PAK5: variants seen among roughly 807,000 people sequenced by gnomAD.
PAK5 encodes the protein serine/threonine-protein kinase PAK 5.
Under a neutral mutation model 65.9 loss-of-function variants are expected in PAK5, and 16 were observed. That is an observed-to-expected ratio of 0.24 (90% CI 0.16 to 0.37). The LOEUF (loss-of-function observed/expected upper bound fraction) is 0.37. Ranked by LOEUF, PAK5 falls within the 10% of genes least tolerant of loss-of-function variation. PAK5 has a pLI of 1.00. For synonymous variants in PAK5, 371 were observed against 354.9 expected, an observed-to-expected ratio of 1.05 and a Z score of -0.51; for missense variants, 785 against 903.9, an observed-to-expected ratio of 0.87 and a Z score of 1.69.
intron 3 of PAK5, among the ~76,000 whole-genome samples, chr20:9,600,014 T>A (rs1310237083): frequency 6.6e-6 from 1 of 152,208 alleles, no homozygotes; most frequent in Non-Finnish European, 1.5e-5. Context: ...CATTTTGAGT[T>A]AATTTATGTA....
intron 1 of PAK5, among the ~76,000 whole-genome samples, chr20:9,805,766 T>C (rs1786546300): frequency 6.6e-6 from 1 of 152,190 alleles, no homozygotes; most frequent in South Asian, 2.1e-4. Context: ...ATAATGGGCA[T>C]AGAATTTCTT....
chr20:9,684,287 T>C (rs569670639), intron 2 of PAK5, among the ~76,000 whole-genome samples: 2 of 152,250 alleles, frequency 1.3e-5, no homozygotes, highest in East Asian at 3.9e-4. Flanking sequence ...CCTGGAAAAC[T>C]CCCTAAGGAT....
chr20:9,686,448 T>A (rs113228581), intron 2 of PAK5, among the ~76,000 whole-genome samples: 6,155 of 152,136 alleles, frequency 0.04, 178 homozygotes, highest in Non-Finnish European at 0.061. Context: ...CAGGCAGGAG[T>A]GCAGTAGCAT....
At chr20:9,735,492 A>C (rs2048378268) in intron 1 of PAK5, among the ~76,000 whole-genome samples, 1 of 152,166 alleles carries the variant, frequency 6.6e-6, no homozygotes, top group South Asian at 2.1e-4. Context: ...TTCTGTTTTC[A>C]TCAGCAAGAC....
chr20:9,697,754 C>T (rs368287988), intron 2 of PAK5, among the ~76,000 whole-genome samples: 275 of 152,144 alleles, frequency 1.8e-3, no homozygotes, highest in African/African-American at 6.2e-3. Flanking sequence ...ATAATTATGA[C>T]TTATTTTAAA....
At chr20:9,803,383 A>G (rs1289462610) in intron 1 of PAK5, among the ~76,000 whole-genome samples, 1 of 152,152 alleles carries the variant, frequency 6.6e-6, no homozygotes, top group Non-Finnish European at 1.5e-5. Flanking sequence ...TTTGCGAACT[A>G]TAAAGGGCAA....
chr20:9,708,825 T>C (rs958409433), intron 2 of PAK5, among the ~76,000 whole-genome samples: 2 of 152,174 alleles, frequency 1.3e-5, no homozygotes, highest in African/African-American at 2.4e-5. Flanking sequence ...TGCCCTTGAT[T>C]GGGATAAATC....
At chr20:9,817,486 T>C (rs1375207283) in intron 1 of PAK5, among the ~76,000 whole-genome samples, 1 of 152,066 alleles carries the variant, frequency 6.6e-6, no homozygotes, top group Non-Finnish European at 1.5e-5. Context: ...ATAGGCAAGA[T>C]CCTTAATCTC....
chr20:9,633,880 A>G (rs1395621777), intron 3 of PAK5, among the ~76,000 whole-genome samples: 1 of 152,228 alleles, frequency 6.6e-6, no homozygotes, highest in Non-Finnish European at 1.5e-5. Context: ...ACTTTTCAAT[A>G]TAACCTATAA....
In PAK5 at chr20:9,595,512, CTAAGTTA is replaced by C. The variant is rs138405717; in HGVS notation, c.205-14589_205-14583del. 1.5e-3 allele frequency among the ~76,000 whole-genome samples: 228 copies of C among 152,306 alleles called. 5 individuals are homozygous for C. The East Asian group carries it at 0.043, about 29-fold the overall frequency. On this transcript the variant is annotated intron_variant, in intron 3 of 9. Coordinates refer to ENST00000353224, the MANE Select transcript of PAK5 (RefSeq NM_177990.4). The stretch of plus-strand genomic sequence containing the variant: ...CTTGCCAAATTGAAGCTCCTCTTCT[CTAAGTTA>C]TATCTCAGATAAAGCTTAGTTATAT...
intron 7 of PAK5, among the ~76,000 whole-genome samples, chr20:9,552,819 C>T (rs553145432): frequency 9.2e-5 from 14 of 151,690 alleles, no homozygotes; most frequent in Admixed American, 3.3e-4. Context: ...ACTCTAGGGC[C>T]CAAGCAGTCC....
At chr20:9,761,722 G>A (rs889509012) in intron 1 of PAK5, among the ~76,000 whole-genome samples, 4 of 152,116 alleles carry the variant, frequency 2.6e-5, no homozygotes, top group African/African-American at 9.7e-5. Flanking sequence ...TATGTGAGAT[G>A]AAGTATATAT....
chr20:9,585,338 C>A (rs1436311322), intron 3 of PAK5, among the ~76,000 whole-genome samples: 2 of 152,070 alleles, frequency 1.3e-5, no homozygotes, highest in African/African-American at 4.8e-5. Flanking sequence ...TTGACTTTGC[C>A]AACAATATTT....
At chr20:9,730,593 C>T (rs1321914067) in intron 1 of PAK5, among the ~76,000 whole-genome samples, 1 of 152,210 alleles carries the variant, frequency 6.6e-6, no homozygotes, top group Non-Finnish European at 1.5e-5. Context: ...GCTCTGAAGA[C>T]TCTTTGTAAA....
chr20:9,817,504 A>C (rs927964659), intron 1 of PAK5, among the ~76,000 whole-genome samples: 1 of 152,230 alleles, frequency 6.6e-6, no homozygotes, highest in African/African-American at 2.4e-5. Context: ...CTCCGGGGAA[A>C]GATATCTTAC....
At chr20:9,820,693 C>T (rs917164019) in intron 1 of PAK5, among the ~76,000 whole-genome samples, 3 of 152,158 alleles carry the variant, frequency 2.0e-5, no homozygotes, top group Non-Finnish European at 4.4e-5. Flanking sequence ...AATTAAGAAG[C>T]AAGGGGACCC....
intron 2 of PAK5, among the ~76,000 whole-genome samples, chr20:9,667,163 G>A (rs146271566): frequency 0.048 from 7,376 of 152,224 alleles, 212 homozygotes; most frequent in South Asian, 0.083. Context: ...TGTAATCCCA[G>A]CTACTTGGGA....
At chr20:9,678,450 C>A (rs2047605515) in intron 2 of PAK5, among the ~76,000 whole-genome samples, 1 of 152,080 alleles carries the variant, frequency 6.6e-6, no homozygotes, top group South Asian at 2.1e-4. Context: ...GCCTGTAGTC[C>A]CAGCTACGCA....
intron 1 of PAK5, among the ~76,000 whole-genome samples, chr20:9,815,273 T>C (rs986198125): frequency 6.6e-6 from 1 of 152,116 alleles, no homozygotes; most frequent in Non-Finnish European, 1.5e-5. Flanking sequence ...ATCCAAACCA[T>C]AGCACCATAT....
Sources: gnomAD v4.1 joint callset for allele counts (sites outside exome capture counted in the v4.1 genomes callset) on GRCh38, gnomAD v4.1.1 for gene constraint, MANE v1.5 for transcripts, NCBI Gene and HGNC (gene_info 2026-07-23, HGNC 2026-07-21) for gene names.